EFNA5: variants seen among roughly 807,000 people sequenced by gnomAD.
The protein encoded by EFNA5 is ephrin A5, also known as ephrin-A5.
In EFNA5, 5 loss-of-function variants were observed where a neutral mutation model predicts 22.9. That is an observed-to-expected ratio of 0.22 (90% confidence interval 0.11 to 0.46). The LOEUF is 0.46. Among genes scored for constraint, EFNA5 ranks in the 20% least tolerant of loss-of-function variants. The pLI, the probability that EFNA5 is intolerant of heterozygous loss-of-function variation, is 0.99. For synonymous variants in EFNA5, 113 were observed against 112.2 expected, an observed-to-expected ratio of 1.01 and a Z score of -0.04; for missense variants, 237 against 293.3, an observed-to-expected ratio of 0.81 and a Z score of 1.40.
intron 1 of EFNA5, among the ~76,000 whole-genome samples, chr5:107,661,225 A>C (rs1196962448): frequency 2.6e-5 from 4 of 152,188 alleles, no homozygotes; most frequent in African/African-American, 9.6e-5. Context: ...CTTAGCCTCC[A>C]TTATCCCAAC....
intron 1 of EFNA5, among the ~76,000 whole-genome samples, chr5:107,596,253 C>T: frequency 6.6e-6 from 1 of 152,172 alleles, no homozygotes; most frequent in East Asian, 1.9e-4. Context: ...TCAGCCAAAA[C>T]TGAAACTCTA....
At chr5:107,601,541 T>C (rs1438966541) in intron 1 of EFNA5, among the ~76,000 whole-genome samples, 1 of 152,170 alleles carries the variant, frequency 6.6e-6, no homozygotes, top group Non-Finnish European at 1.5e-5. Flanking sequence ...CAAAATAACA[T>C]GAAAAATTTC....
chr5:107,645,763 C>T (rs1234936031), intron 1 of EFNA5, among the ~76,000 whole-genome samples: 1 of 152,174 alleles, frequency 6.6e-6, no homozygotes, highest in Non-Finnish European at 1.5e-5. Context: ...ATTGCTAAAA[C>T]AACAATAAAA....
At chr5:107,556,180 G>A (rs1748409493) in intron 1 of EFNA5, among the ~76,000 whole-genome samples, 1 of 152,138 alleles carries the variant, frequency 6.6e-6, no homozygotes, top group Non-Finnish European at 1.5e-5. Flanking sequence ...GTCCAGACCT[G>A]GCACTCACAG....
chr5:107,633,572 G>A (rs1465371558), intron 1 of EFNA5, among the ~76,000 whole-genome samples: 1 of 152,196 alleles, frequency 6.6e-6, no homozygotes, highest in Admixed American at 6.5e-5. Flanking sequence ...TAGAATAACA[G>A]GGGCTGGCCA....
intron 1 of EFNA5, among the ~76,000 whole-genome samples, chr5:107,620,032 C>G (rs1750002740): frequency 6.6e-6 from 1 of 152,172 alleles, no homozygotes; most frequent in African/African-American, 2.4e-5. Context: ...CTGACAGTAG[C>G]AAACCTCAGT....
At chr5:107,574,956 T>G (rs6888194) in intron 1 of EFNA5, among the ~76,000 whole-genome samples, 2 of 152,050 alleles carry the variant, frequency 1.3e-5, no homozygotes, top group Non-Finnish European at 2.9e-5. Flanking sequence ...CCATCATCAG[T>G]GAAGATGCTG....
intron 1 of EFNA5, among the ~76,000 whole-genome samples, chr5:107,597,271 G>A (rs12656960): frequency 0.51 from 76,943 of 152,012 alleles, 21,292 homozygotes; most frequent in African/African-American, 0.71. Context: ...CATAAGGTAT[G>A]CATGAGTAGG....
At chr5:107,468,707 A>C (rs1411356551) in intron 1 of EFNA5, among the ~76,000 whole-genome samples, 4 of 152,224 alleles carry the variant, frequency 2.6e-5, no homozygotes, top group African/African-American at 9.6e-5. Flanking sequence ...ATTAAAACTC[A>C]TGAAATTAAA....
chr5:107,483,353 C>T lies in EFNA5; in HGVS notation c.126-55844G>A, dbSNP rs375159866. 4.7e-4 allele frequency among the ~76,000 whole-genome samples: 72 copies of T among 152,246 alleles called. 1 individual carries two copies. The South Asian group carries it at 0.011, about 24-fold the overall frequency. On this transcript the variant is annotated intron_variant, in intron 1 of 4. Transcript: ENST00000333274. Reference sequence around the variant, plus strand: ...GCTTAATTATATTTACAGTTTTCAACGACACCACATGGCATGCAGGTTTTC... The same window carrying T: ...GCTTAATTATATTTACAGTTTTCAATGACACCACATGGCATGCAGGTTTTC...
chr5:107,502,916 G>A (rs1007766189), intron 1 of EFNA5, among the ~76,000 whole-genome samples: 2 of 152,186 alleles, frequency 1.3e-5, no homozygotes, highest in Non-Finnish European at 2.9e-5. Context: ...TCCTCAGAGA[G>A]GCACGCCAGT....
intron 1 of EFNA5, among the ~76,000 whole-genome samples, chr5:107,594,795 A>G (rs1749441448): frequency 6.6e-6 from 1 of 152,174 alleles, no homozygotes; most frequent in African/African-American, 2.4e-5. Flanking sequence ...ACTGACCAGC[A>G]CCGGTGAAAT....
chr5:107,568,615 T>C (rs1212682203), intron 1 of EFNA5, among the ~76,000 whole-genome samples: 1 of 152,106 alleles, frequency 6.6e-6, no homozygotes, highest in Non-Finnish European at 1.5e-5. Context: ...CAAACCCAAG[T>C]CAGGAACATG....
chr5:107,646,046 TA>T (rs1015696659), intron 1 of EFNA5, among the ~76,000 whole-genome samples: 14 of 152,160 alleles, frequency 9.2e-5, no homozygotes, highest in Non-Finnish European at 1.6e-4. Flanking sequence ...AATTAACAAA[TA>T]AAAAATTGGT....
At chr5:107,396,654 T>A (rs752458564) in intron 2 of EFNA5, among the ~76,000 whole-genome samples, 6 of 152,026 alleles carry the variant, frequency 3.9e-5, no homozygotes, top group Admixed American at 6.6e-5. Context: ...TTCTCTAGCA[T>A]AAATTTTAAA....
chr5:107,523,378 G>C (rs1747634535), intron 1 of EFNA5, among the ~76,000 whole-genome samples: 2 of 151,892 alleles, frequency 1.3e-5, no homozygotes, highest in South Asian at 4.2e-4. Flanking sequence ...TGTGTTTAAT[G>C]TTTTTGGTGT....
intron 1 of EFNA5, among the ~76,000 whole-genome samples, chr5:107,650,232 C>T (rs910253033): frequency 1.3e-5 from 2 of 152,152 alleles, no homozygotes; most frequent in Non-Finnish European, 2.9e-5. Flanking sequence ...ACACGCAATT[C>T]AACGAAAAGA....
chr5:107,569,952 T>C (rs981440560), intron 1 of EFNA5, among the ~76,000 whole-genome samples: 2 of 151,796 alleles, frequency 1.3e-5, no homozygotes, highest in Non-Finnish European at 2.9e-5. Context: ...TTATTTTGAA[T>C]TAAAATATCA....
intron 1 of EFNA5, among the ~76,000 whole-genome samples, chr5:107,476,057 T>TATATATATATATATATATATG: frequency 3.0e-5 from 3 of 100,420 alleles, no homozygotes; most frequent in African/African-American, 5.0e-5. Context: ...TATATATATA[T>TATATATATATATATATATATG]TTTTTTTTTT....
Sources: gnomAD v4.1 joint callset for allele counts (sites outside exome capture counted in the v4.1 genomes callset) on GRCh38, gnomAD v4.1.1 for gene constraint, MANE v1.5 for transcripts, NCBI Gene and HGNC (gene_info 2026-07-23, HGNC 2026-07-21) for gene names.